Variants in RPTOR observed in about 807,000 individuals in gnomAD.
The protein encoded by RPTOR is regulatory-associated protein of mTOR.
In RPTOR, 21 loss-of-function variants were observed where a neutral mutation model predicts 169.9. The ratio of observed to expected loss-of-function variants is 0.12; its 90% CI spans 0.09 to 0.18. The LOEUF is 0.18. RPTOR is among the 10% of genes least tolerant of loss of function. The probability of loss-of-function intolerance (pLI) is 1.00; values close to 1 mark genes in which losing one functional copy is unlikely to be tolerated. For synonymous variants in RPTOR, 732 were observed against 753.2 expected (o/e 0.97, Z 0.46); for missense variants, 1,133 against 1,855.9 (o/e 0.61, Z 7.16).
In RPTOR at chr17:80,659,723, T is replaced by G. The variant is rs1011971784; in HGVS notation, c.348+15913T>G. Among the ~76,000 whole-genome samples the G allele has an allele frequency of 3.3e-5, 5 of 152,096 alleles. No homozygotes were observed. The highest frequency in any genetic ancestry group is 7.4e-5 in the Non-Finnish European group (5 of 68,018). ...GGTTTCACCATGTTGGCCAGGCTGG[T>G]CTCAACCTCTTGACCTCGTGATCCG... On this transcript the variant is annotated intron_variant, in intron 3 of 33. Coordinates refer to ENST00000306801, the MANE Select transcript of RPTOR (RefSeq NM_020761.3). The surrounding 1 kb of genome is among the most constrained non-coding windows in gnomAD (Gnocchi z 4.3).
intron 6 of RPTOR, among the ~76,000 whole-genome samples, chr17:80,787,965 A>G (rs1238256479): frequency 1.4e-5 from 2 of 147,740 alleles, no homozygotes; most frequent in African/African-American, 5.4e-5. Flanking sequence ...TTTGTGTGTC[A>G]TCATTACTTC....
intron 4 of RPTOR, among the ~76,000 whole-genome samples, chr17:80,714,309 G>A (rs1291837514): frequency 6.6e-6 from 1 of 152,134 alleles, no homozygotes; most frequent in Non-Finnish European, 1.5e-5. Context: ...CAAAGCAAAA[G>A]CCAGTATTAA....
Position 80,545,558 on chromosome 17 carries a change from A to G in RPTOR, c.-72A>G. ...TGTTTCTTATTTCACCAATTCTGGT[A>G]CACGCTAGTTTTTAAGGCTGGAGGT... On this transcript the variant is annotated 5_prime_UTR_variant, in exon 1 of 34. Coordinates refer to ENST00000306801, the MANE Select transcript of RPTOR (RefSeq NM_020761.3). 8.6e-7 allele frequency: 1 copy of G among 1,160,676 alleles called. No individual in the cohort carries two copies. Among genetic ancestry groups the G allele is most frequent in the Non-Finnish European group, 1.2e-6 (1 of 808,974 alleles). The allele number at this position is 1,160,676 out of a possible 1,614,324, so 71.9% of individuals were successfully genotyped here. A position where few individuals can be genotyped will look rare whatever the true frequency, so the allele number is the denominator to read the frequency against.
rs533171499 is a variant in RPTOR at position 80,659,897 on chromosome 17, C to G, written c.348+16087C>G. Among the ~76,000 whole-genome samples the G allele has an allele frequency of 5.3e-5, 8 of 152,376 alleles. No homozygotes were observed. In the East Asian group the frequency reaches 1.5e-3, roughly 29 times the overall value. On this transcript the variant is annotated intron_variant, in intron 3 of 33. Transcript: ENST00000306801. This position sits in a 1 kb window ranked among gnomAD's most constrained non-coding sequence, Gnocchi z 4.3. ...TCCAGGGCTTAAGCAATCCTCCTGC[C>G]TTGGCCTCCCAAAGTGCTGGGATTT...
At chr17:80,808,675 C>A (rs1414029791) in intron 7 of RPTOR, among the ~76,000 whole-genome samples, 1 of 152,190 alleles carries the variant, frequency 6.6e-6, no homozygotes, top group South Asian at 2.1e-4. Flanking sequence ...CCCAGTTAAT[C>A]CCTCTCCTTA....
At chr17:80,687,656 A>G (rs2065958865) in intron 3 of RPTOR, among the ~76,000 whole-genome samples, 1 of 152,220 alleles carries the variant, frequency 6.6e-6, no homozygotes, top group Non-Finnish European at 1.5e-5. Context: ...TGAGTGCCAC[A>G]GCACAGCCAC....
chr17:80,873,896 G>A (rs1225234164), intron 13 of RPTOR, among the ~76,000 whole-genome samples: 1 of 152,208 alleles, frequency 6.6e-6, no homozygotes, highest in South Asian at 2.1e-4. Flanking sequence ...CTCGGTCTGT[G>A]CTGGGGAAGT....
At position 80,892,222 on chromosome 17, in the gene RPTOR, G is replaced by A. The variant is rs1345658999; in HGVS notation, c.2101+385G>A. Among the ~76,000 whole-genome samples the A allele has an allele frequency of 3.9e-5, 6 of 152,074 alleles. No individual in the cohort carries two copies. The East Asian group carries it at 5.8e-4, about 15-fold the overall frequency. On this transcript the variant is annotated intron_variant, in intron 18 of 33. Transcript: ENST00000306801. Reference sequence around the variant, plus strand: ...TCATGTCAGGCGTGCTTTCTCACACGTGTCGTTTTGACTGGAGAGTACAGT... The same window carrying A: ...TCATGTCAGGCGTGCTTTCTCACACATGTCGTTTTGACTGGAGAGTACAGT...
chr17:80,897,789 A>T (rs2068425291), intron 20 of RPTOR, among the ~76,000 whole-genome samples: 1 of 152,126 alleles, frequency 6.6e-6, no homozygotes, highest in Non-Finnish European at 1.5e-5. Flanking sequence ...GCTACTTGGG[A>T]GGCTGAGGCA....
intron 17 of RPTOR, 149 bp from the exon 18 acceptor site, chr17:80,891,571 T>C: frequency 1.5e-6 from 1 of 654,842 alleles, no homozygotes; most frequent in Admixed American, 2.3e-5. Flanking sequence ...GCTCTGACGG[T>C]TCGAAAAGGG....
chr17:80,862,423 C>A (rs2143768927), intron 13 of RPTOR, among the ~76,000 whole-genome samples: 1 of 152,204 alleles, frequency 6.6e-6, no homozygotes, highest in South Asian at 2.1e-4. Context: ...CCCTTCCCCT[C>A]CCCACGTCTG....
intron 21 of RPTOR, among the ~76,000 whole-genome samples, chr17:80,912,248 CTCT>C (rs975853773): frequency 6.6e-6 from 1 of 152,166 alleles, no homozygotes; most frequent in Non-Finnish European, 1.5e-5. Flanking sequence ...GTCTGGTGGC[CTCT>C]TCTTTTCTCT....
intron 13 of RPTOR, among the ~76,000 whole-genome samples, chr17:80,863,841 G>A (rs538888223): frequency 1.3e-4 from 20 of 152,316 alleles, no homozygotes; most frequent in African/African-American, 4.6e-4. Flanking sequence ...AATCGCTTGA[G>A]CCCGGGAGGT....
chr17:80,598,882 T>TTCTTTCTATCTATCTATCTATCTATCTA (rs752610583), intron 1 of RPTOR, among the ~76,000 whole-genome samples: 2 of 146,758 alleles, frequency 1.4e-5, no homozygotes, highest in African/African-American at 2.5e-5. Context: ...TCTTGATTCT[T>TTCTTTCTATCTATCTATCTATCTATCTA]TCTATCTATC....
chr17:80,833,920 C>T (rs771300146), intron 9 of RPTOR, among the ~76,000 whole-genome samples: 5 of 152,316 alleles, frequency 3.3e-5, no homozygotes, highest in South Asian at 2.1e-4. Flanking sequence ...ACCCGGGAGG[C>T]GGAGGTTGCA....
chr17:80,626,293 C>T (rs990803125), intron 2 of RPTOR, among the ~76,000 whole-genome samples: 8 of 151,450 alleles, frequency 5.3e-5, no homozygotes, highest in South Asian at 4.2e-4. Flanking sequence ...CCTCGTGATC[C>T]GCCCACCTCA....
chr17:80,587,022 C>T (rs2065066551), intron 1 of RPTOR, among the ~76,000 whole-genome samples: 1 of 152,256 alleles, frequency 6.6e-6, no homozygotes, highest in South Asian at 2.1e-4. Flanking sequence ...CCTTTGTAAG[C>T]TTCGAGAATG....
In RPTOR at chr17:80,882,614, C is replaced by T. The variant is rs78018493; in HGVS notation, c.1585-805C>T. Among the ~76,000 whole-genome samples, 915 of 152,274 alleles carry T rather than the reference C, an allele frequency of 6.0e-3. 28 individuals are homozygous for T. The East Asian group carries it at 0.077, about 13-fold the overall frequency. On this transcript the variant is annotated intron_variant, in intron 14 of 33. Coordinates refer to ENST00000306801, the MANE Select transcript of RPTOR (RefSeq NM_020761.3). ...TCAGACACCAACAGTTTACTCCTTC[C>T]GAACCCCACAGACCATGGCTAGAAA... is the stretch of plus-strand genomic sequence containing the variant.
intron 1 of RPTOR, among the ~76,000 whole-genome samples, chr17:80,552,141 AC>A (rs112177720): frequency 2.0e-5 from 3 of 152,346 alleles, no homozygotes; most frequent in African/African-American, 7.2e-5. Context: ...CTATACAGAC[AC>A]AGTAACAATC....
Sources: allele counts gnomAD v4.1 joint callset (sites outside exome capture counted in the v4.1 genomes callset), GRCh38; gene constraint gnomAD v4.1.1; non-coding constraint Gnocchi (gnomAD v3.1); transcripts MANE v1.5; gene names NCBI Gene and HGNC (gene_info 2026-07-23, HGNC 2026-07-21).